CEP112: variants seen among roughly 807,000 people sequenced by gnomAD.
The protein encoded by CEP112 is centrosomal protein of 112 kDa.
Under a neutral mutation model 153.0 loss-of-function variants are expected in CEP112, and 127 were observed. The observed-to-expected ratio is 0.83, with a 90% CI of 0.72 to 0.96. CEP112 has a LOEUF of 0.96. Among genes scored for constraint, CEP112 ranks in the 40% least tolerant of loss-of-function variants. The probability of loss-of-function intolerance (pLI) is 0.00; values close to 1 mark genes in which losing one functional copy is unlikely to be tolerated. For synonymous variants in CEP112, 358 were observed against 374.4 expected (o/e 0.96, Z 0.51); for missense variants, 1,089 against 1,101.2 (o/e 0.99, Z 0.16).
intron 20 of CEP112, among the ~76,000 whole-genome samples, chr17:65,864,349 C>T (rs551484719): frequency 4.6e-5 from 7 of 152,198 alleles, no homozygotes; most frequent in Admixed American, 6.5e-5. Context: ...TTTATACCCA[C>T]GATGTAGCAA....
chr17:66,152,798 C>T (rs1198036142), intron 4 of CEP112, among the ~76,000 whole-genome samples: 1 of 152,122 alleles, frequency 6.6e-6, no homozygotes, highest in Non-Finnish European at 1.5e-5. Flanking sequence ...GAACTAGTGA[C>T]TTTTTAGAAA....
At chr17:65,977,653 A>G (rs1464488015) in intron 17 of CEP112, among the ~76,000 whole-genome samples, 1 of 152,212 alleles carries the variant, frequency 6.6e-6, no homozygotes, top group Non-Finnish European at 1.5e-5. Flanking sequence ...TAAGTGAGGA[A>G]TAAGTGGCTG....
At chr17:66,154,385 G>GGA (rs1212969570) in intron 4 of CEP112, among the ~76,000 whole-genome samples, 1 of 148,540 alleles carries the variant, frequency 6.7e-6, no homozygotes, top group African/African-American at 2.5e-5. Context: ...TGTGGGGGGG[G>GGA]GAGCCTGTAA....
chr17:65,708,326 C>G lies in CEP112; in HGVS notation c.2608-19108G>C, dbSNP rs978580404. Among the ~76,000 whole-genome samples, 2 of 152,184 alleles carry G rather than the reference C, an allele frequency of 1.3e-5. 1 individual carries two copies. Among genetic ancestry groups the G allele is most frequent in the South Asian group, 4.2e-4 (2 of 4,816 alleles). Reference sequence around the variant, plus strand: ...TTGATCTCCCACTAAGGGATCAAACCCTATTTTAGGACCTAATATCAATTT... The same window carrying G: ...TTGATCTCCCACTAAGGGATCAAACGCTATTTTAGGACCTAATATCAATTT... On this transcript the variant is annotated intron_variant, in intron 23 of 26. Coordinates refer to ENST00000535342, the MANE Select transcript of CEP112 (RefSeq NM_001199165.4).
intron 20 of CEP112, among the ~76,000 whole-genome samples, chr17:65,863,563 C>T (rs1019980905): frequency 6.7e-6 from 1 of 149,932 alleles, no homozygotes; most frequent in African/African-American, 2.5e-5. Flanking sequence ...GTCAGGAGAT[C>T]GAGACCACGG....
intron 20 of CEP112, among the ~76,000 whole-genome samples, chr17:65,894,974 T>A (rs1364055470): frequency 6.6e-6 from 1 of 152,092 alleles, no homozygotes; most frequent in Non-Finnish European, 1.5e-5. Context: ...TTTGGATATA[T>A]GTAGTTTGAA....
intron 23 of CEP112, among the ~76,000 whole-genome samples, chr17:65,707,094 T>C (rs928821498): frequency 2.0e-5 from 3 of 152,188 alleles, no homozygotes; most frequent in African/African-American, 4.8e-5. Context: ...TCTGATTATA[T>C]TGTCCCTTTT....
intron 16 of CEP112, among the ~76,000 whole-genome samples, chr17:66,007,321 T>C (rs1429529514): frequency 6.6e-6 from 1 of 152,168 alleles, no homozygotes; most frequent in Non-Finnish European, 1.5e-5. Context: ...ATAAAGACTA[T>C]TTGTCTTATG....
chr17:65,817,900 T>C (rs2056353744), intron 21 of CEP112, among the ~76,000 whole-genome samples: 1 of 151,960 alleles, frequency 6.6e-6, no homozygotes, highest in African/African-American at 2.4e-5. Context: ...TAATTTGAGC[T>C]ACTATGTTGG....
intron 8 of CEP112, among the ~76,000 whole-genome samples, chr17:66,073,809 G>C (rs1322677614): frequency 2.6e-5 from 4 of 152,030 alleles, no homozygotes; most frequent in Non-Finnish European, 4.4e-5. Context: ...ACTAGTAATT[G>C]AACAGCCTAT....
chr17:65,866,086 C>T (rs1423611334), intron 20 of CEP112, among the ~76,000 whole-genome samples: 1 of 152,154 alleles, frequency 6.6e-6, no homozygotes, highest in Non-Finnish European at 1.5e-5. Context: ...ACTGCAGCCA[C>T]CCAGACGCAG....
intron 21 of CEP112, among the ~76,000 whole-genome samples, chr17:65,766,261 A>C (rs2052963963): frequency 7.3e-6 from 1 of 136,220 alleles, no homozygotes; most frequent in Non-Finnish European, 1.6e-5. Context: ...GGTGGAGGAT[A>C]AATGTTTAGA....
intron 4 of CEP112, among the ~76,000 whole-genome samples, chr17:66,167,968 C>A (rs1351606878): frequency 6.6e-6 from 1 of 152,118 alleles, no homozygotes; most frequent in Non-Finnish European, 1.5e-5. Flanking sequence ...CAAGTGGAAT[C>A]CACAAACATT....
chr17:65,991,338 C>A (rs1041792125), intron 17 of CEP112, among the ~76,000 whole-genome samples: 1 of 151,926 alleles, frequency 6.6e-6, no homozygotes, highest in Non-Finnish European at 1.5e-5. Context: ...TGAGAGGTAA[C>A]GTTATACTCA....
At position 65,743,573 on chromosome 17, in the gene CEP112, G is replaced by T. The variant is rs143794752; in HGVS notation, c.2458-356C>A. On this transcript the variant is annotated intron_variant, in intron 22 of 26. Transcript: ENST00000535342. Reference sequence around the variant, plus strand: ...TTATTAGAATGAGAAAAGCTATTCTGCTTTTCATAATACTTTGAACTGTAA... The same window carrying T: ...TTATTAGAATGAGAAAAGCTATTCTTCTTTTCATAATACTTTGAACTGTAA... Among the ~76,000 whole-genome samples the T allele has an allele frequency of 4.2e-3, 635 of 152,204 alleles. 3 individuals carry two copies. Among genetic ancestry groups the T allele is most frequent in the Non-Finnish European group, 6.7e-3 (458 of 68,010 alleles).
chr17:65,673,861 C>G (rs1598277947), intron 24 of CEP112, among the ~76,000 whole-genome samples: 1 of 152,260 alleles, frequency 6.6e-6, no homozygotes, highest in Middle Eastern at 3.4e-3. Context: ...GATTAACATA[C>G]AGACTATGTA....
At chr17:65,826,243 T>G in intron 21 of CEP112, 1 of 1,614,046 alleles carries the variant, frequency 6.2e-7, no homozygotes, top group Non-Finnish European at 8.5e-7. Context: ...TCTCTATCAG[T>G]CTCAGGGCTT....
chr17:65,881,149 G>A (rs1033025371), intron 20 of CEP112, among the ~76,000 whole-genome samples: 2 of 152,066 alleles, frequency 1.3e-5, no homozygotes, highest in Non-Finnish European at 2.9e-5. Flanking sequence ...CCTGGGAGGC[G>A]GAGTTTGCAG....
At chr17:65,837,664 AAAAG>A (rs1173531977) in intron 21 of CEP112, among the ~76,000 whole-genome samples, 4 of 152,230 alleles carry the variant, frequency 2.6e-5, no homozygotes, top group Non-Finnish European at 2.9e-5. Flanking sequence ...AAATGTGGGG[AAAAG>A]AAAGACAGAT....
Sources: allele counts gnomAD v4.1 joint callset (sites outside exome capture counted in the v4.1 genomes callset), GRCh38; gene constraint gnomAD v4.1.1; transcripts MANE v1.5; gene names NCBI Gene and HGNC (gene_info 2026-07-23, HGNC 2026-07-21).